PSMD5: variants seen among roughly 807,000 people sequenced by gnomAD.
PSMD5 encodes the protein proteasome 26S subunit, non-ATPase 5, also known as 26S proteasome non-ATPase regulatory subunit 5.
A neutral mutation model predicts 52.1 loss-of-function variants in PSMD5; 40 were observed. The ratio of observed to expected loss-of-function variants is 0.77; its 90% CI spans 0.60 to 1.00. The LOEUF (loss-of-function observed/expected upper bound fraction) is 1.00, where lower values mean the gene tolerates loss of function less well. Ranked by LOEUF, PSMD5 falls within the 50% of genes least tolerant of loss-of-function variation. PSMD5 has a pLI of 0.00. For synonymous variants in PSMD5, 211 were observed against 226.6 expected (o/e 0.93, Z 0.62); for missense variants, 575 against 605.2 (o/e 0.95, Z 0.52).
At chr9:120,823,018 C>T (rs750142773) in intron 7 of PSMD5, among the ~76,000 whole-genome samples, 20 of 149,580 alleles carry the variant, frequency 1.3e-4, no homozygotes, top group Non-Finnish European at 2.1e-4. Flanking sequence ...TTGTTGTTGA[C>T]GAAGCTGGTC....
chr9:120,828,264 T>C (rs1165809478), intron 5 of PSMD5, among the ~76,000 whole-genome samples: 2 of 151,910 alleles, frequency 1.3e-5, no homozygotes, highest in African/African-American at 4.8e-5. Flanking sequence ...CCTCCCAAAG[T>C]GCTGGGATTA....
In PSMD5 at chr9:120,829,189, G is replaced by T; in HGVS notation, c.581C>A (p.Ser194Tyr). 6.3e-7 allele frequency: 1 copy of T among 1,592,996 alleles called. No individual in the cohort carries two copies. Among genetic ancestry groups the T allele is most frequent in the South Asian group, 1.1e-5 (1 of 87,008 alleles). ...GTAGTTTAAAGATTCTGGTGACACGGAAGAAATCTCTATAATTAGCTGAAA... is the reference window on the plus strand; with the variant it reads ...GTAGTTTAAAGATTCTGGTGACACGTAAGAAATCTCTATAATTAGCTGAAA... ...RVYELIIEIS[S>Y]VSPESLNYCT... Residue 194 changes from serine (S) to tyrosine (Y), a missense_variant, in exon 5 of 10, where the codon TCC (serine) becomes TAC (tyrosine). Physicochemically the swap from Ser to Tyr is moderately radical, Grantham distance 144. Coordinates refer to ENST00000210313, the MANE Select transcript of PSMD5 (RefSeq NM_005047.4).
At chr9:120,824,354 T>G in intron 7 of PSMD5, 140 bp downstream of exon 7, 1 of 763,640 alleles carries the variant, frequency 1.3e-6, no homozygotes, top group Non-Finnish European at 2.2e-6. Context: ...TTTTCAGACA[T>G]GAGTACAAGG....
intron 5 of PSMD5, among the ~76,000 whole-genome samples, chr9:120,828,505 G>A (rs920010055): frequency 2.1e-5 from 3 of 143,722 alleles, no homozygotes; most frequent in Admixed American, 1.4e-4. Context: ...GTACAGTGGT[G>A]CAACCTCCAC....
At chr9:120,824,109 T>TAAA (rs34305055) in intron 7 of PSMD5, 18 of 111,926 alleles carry the variant, frequency 1.6e-4, no homozygotes, top group Middle Eastern at 5.3e-3. Flanking sequence ...CTCAATCTCT[T>TAAA]AAAAAAAAAA....
At position 120,820,867 on chromosome 9, in the gene PSMD5, A is replaced by T. The variant is rs183219297; in HGVS notation, c.1229T>A (p.Leu410Gln). The T allele has an allele frequency of 3.3e-5, 53 of 1,601,086 alleles. No homozygotes were observed. In the African/African-American group the frequency reaches 6.6e-4, roughly 20 times the overall value. The change falls in exon 9 of 10, where the codon CTA becomes CAA. Residue 410 changes from leucine to glutamine, a missense_variant. Transcript: ENST00000210313. ...AAACACTTTTAAGGCAGCACAGTGT[A>T]GTTCAGGGAAGGGCTGACTACTAAT... ...RGISSQPFPELHCAALKVFTA... is the reference protein window; with the variant it reads ...RGISSQPFPEQHCAALKVFTA...
chr9:120,825,280 C>A (rs1293289499), intron 6 of PSMD5, among the ~76,000 whole-genome samples: 2 of 151,966 alleles, frequency 1.3e-5, no homozygotes, highest in Non-Finnish European at 2.9e-5. Context: ...TCCAGAAAAC[C>A]AAAGTCAACA....
intron 9 of PSMD5, among the ~76,000 whole-genome samples, chr9:120,820,323 G>A (rs1355244897): frequency 6.6e-6 from 1 of 152,186 alleles, no homozygotes; most frequent in Non-Finnish European, 1.5e-5. Context: ...ATAAATAAAT[G>A]CAACATATGA....
rs2045046034 is a variant in PSMD5 at position 120,816,823 on chromosome 9, CCTTCTGTT to C, written c.*1075_*1082del. 6.6e-6 allele frequency: 1 copy of C among 152,218 alleles called. No homozygotes were observed. The highest frequency in any genetic ancestry group is 6.5e-5 in the Admixed American group (1 of 15,280). 9.4% of individuals were successfully genotyped at this position (152,218 alleles called of 1,614,324 possible). A position where few individuals can be genotyped will look rare whatever the true frequency, so the allele number is the denominator to read the frequency against. On this transcript the variant is annotated 3_prime_UTR_variant, in exon 10 of 10. Coordinates refer to ENST00000210313, the MANE Select transcript of PSMD5 (RefSeq NM_005047.4). ...TGGTATCCTGATTTATGCATATGTC[CCTTCTGTT>C]CTGAGTCTGTTTATTAGGAGTAAGT... is the stretch of plus-strand genomic sequence containing the variant.
intron 1 of PSMD5, among the ~76,000 whole-genome samples, chr9:120,837,270 C>T (rs1343514323): frequency 6.6e-6 from 1 of 152,234 alleles, no homozygotes. Flanking sequence ...GATCCGCCCA[C>T]CTCAGCCTTC....
chr9:120,823,970 A>C (rs1210896135), intron 7 of PSMD5, among the ~76,000 whole-genome samples: 1 of 151,978 alleles, frequency 6.6e-6, no homozygotes, highest in Non-Finnish European at 1.5e-5. Context: ...GAGTAAATGA[A>C]GTTCAAAAAG....
At chr9:120,823,194 A>G (rs1429250877) in intron 7 of PSMD5, among the ~76,000 whole-genome samples, 1 of 151,930 alleles carries the variant, frequency 6.6e-6, no homozygotes, top group Non-Finnish European at 1.5e-5. Context: ...GATGTTCCAT[A>G]AAAGTATCTT....
intron 2 of PSMD5, among the ~76,000 whole-genome samples, chr9:120,832,516 G>A (rs1408513199): frequency 1.3e-5 from 2 of 151,450 alleles, no homozygotes; most frequent in African/African-American, 4.9e-5. Flanking sequence ...CCCACCTCAG[G>A]CTCCTGAGTA....
chr9:120,824,606 T>C lies in PSMD5; in HGVS notation c.894A>G (p.Glu298=), dbSNP rs781047713. ...GACTTTCTATCATTTCAAAGACTTTTTCCACAAAGATAGGATAACGCTCAC... is the reference window on the plus strand; with the variant it reads ...GACTTTCTATCATTTCAAAGACTTTCTCCACAAAGATAGGATAACGCTCAC... The part of the protein sequence containing the change: ...QICERYPIFV[E]KVFEMIESQD... Residue 298 remains glutamate (E), a synonymous_variant, in exon 7 of 10, where the codon GAA becomes GAG. Transcript: ENST00000210313. 1.2e-6 allele frequency: 2 copies of C among 1,614,216 alleles called. No homozygotes were observed. Among genetic ancestry groups the C allele is most frequent in the Non-Finnish European group, 8.5e-7 (1 of 1,180,034 alleles).
rs140063358 is a variant in PSMD5 at position 120,826,834 on chromosome 9, C to A, written c.745G>T (p.Val249Leu). 1 of 1,613,208 alleles carries A rather than the reference C, an allele frequency of 6.2e-7. No individual in the cohort carries two copies. The highest frequency in any genetic ancestry group is 1.1e-5 in the South Asian group (1 of 91,072). The change falls in exon 6 of 10, where the codon GTA (valine) becomes TTA (leucine). Residue 249 changes from valine to leucine, a missense_variant. Coordinates refer to ENST00000210313, the MANE Select transcript of PSMD5 (RefSeq NM_005047.4). ...HGRQYLAQEG[V>L]IDQISNIIVG... ...ATTATATTAGAAATTTGGTCAATTA[C>A]TCCTTCTTGAGCAAGATATTGTCGC... is the stretch of plus-strand genomic sequence containing the variant.
chr9:120,817,705 T>G lies in PSMD5; in HGVS notation c.*201A>C, dbSNP rs1001276257. On this transcript the variant is annotated 3_prime_UTR_variant, in exon 10 of 10. Transcript: ENST00000210313. ...TGGATCTATTATGACCAAGCTTGTCTGCTCTTAATGCATTCCAAACTCCTA... is the reference window on the plus strand; with the variant it reads ...TGGATCTATTATGACCAAGCTTGTCGGCTCTTAATGCATTCCAAACTCCTA... The G allele has an allele frequency of 1.7e-6, 1 of 586,932 alleles. No individual in the cohort carries two copies. Among genetic ancestry groups the G allele is most frequent in the Non-Finnish European group, 2.9e-6 (1 of 342,964 alleles). The allele number at this position is 586,932 out of a possible 1,614,324, so 36.4% of individuals were successfully genotyped here. A position where few individuals can be genotyped will look rare whatever the true frequency, so the allele number is the denominator to read the frequency against.
intron 6 of PSMD5, 88 bp from the exon 7 acceptor site, chr9:120,824,773 C>T (rs2045111412): frequency 9.0e-7 from 1 of 1,114,624 alleles, no homozygotes; most frequent in Non-Finnish European, 1.3e-6. Flanking sequence ...CAGAAATGAA[C>T]TGCAGGCCAG....
intron 6 of PSMD5, among the ~76,000 whole-genome samples, chr9:120,825,926 T>A (rs2045118630): frequency 6.6e-6 from 1 of 152,090 alleles, no homozygotes; most frequent in African/African-American, 2.4e-5. Flanking sequence ...CTTGCCTAAT[T>A]GCTCTGGCTA....
At chr9:120,822,587 C>T (rs1284922340) in intron 7 of PSMD5, among the ~76,000 whole-genome samples, 1 of 151,988 alleles carries the variant, frequency 6.6e-6, no homozygotes, top group African/African-American at 2.4e-5. Context: ...CTTGCTGTGT[C>T]ACCCAGGCTG....
Sources: gnomAD v4.1 joint callset for allele counts (sites outside exome capture counted in the v4.1 genomes callset) on GRCh38, gnomAD v4.1.1 for gene constraint, MANE v1.5 for transcripts, NCBI Gene and HGNC (gene_info 2026-07-23, HGNC 2026-07-21) for gene names.